Variants in ZMYND11 observed in about 807,000 individuals in gnomAD.
ZMYND11 encodes zinc finger MYND-type containing 11.
In ZMYND11, 9 loss-of-function variants were observed where a neutral mutation model predicts 84.9. That is an observed-to-expected ratio of 0.11 (90% CI 0.06 to 0.18). ZMYND11 has a LOEUF of 0.18. ZMYND11 is among the 10% of genes least tolerant of loss of function. The pLI, the probability that ZMYND11 is intolerant of heterozygous loss-of-function variation, is 1.00. For missense variants in ZMYND11, 409 were observed against 761.0 expected, an observed-to-expected ratio of 0.54 and a Z score of 5.44; for synonymous variants, 250 against 244.1, an observed-to-expected ratio of 1.02 and a Z score of -0.23.
intron 2 of ZMYND11, among the ~76,000 whole-genome samples, chr10:193,043 T>C (rs1940846916): frequency 6.6e-6 from 1 of 152,244 alleles, no homozygotes; most frequent in Non-Finnish European, 1.5e-5. Context: ...AGTTTTGAAA[T>C]GATTGTATTC....
At chr10:168,781 A>C (rs7089302) in intron 1 of ZMYND11, among the ~76,000 whole-genome samples, 38,090 of 152,112 alleles carry the variant, frequency 0.25, 5,848 homozygotes, top group Non-Finnish European at 0.35. Context: ...ATAAAGAATC[A>C]CAACTTACCG....
intron 1 of ZMYND11, among the ~76,000 whole-genome samples, chr10:141,400 G>A (rs1837467995): frequency 1.3e-5 from 2 of 152,182 alleles, no homozygotes; most frequent in Non-Finnish European, 2.9e-5. Context: ...ACAATAAAAT[G>A]TAAAGGCAAG....
At chr10:165,353 T>C (rs1843753431) in intron 1 of ZMYND11, among the ~76,000 whole-genome samples, 1 of 152,148 alleles carries the variant, frequency 6.6e-6, no homozygotes, top group African/African-American at 2.4e-5. Context: ...GGTCACTTTC[T>C]ACCATATTCT....
chr10:130,836 G>A (rs551590170), upstream of ZMYND11, among the ~76,000 whole-genome samples: 45 of 152,050 alleles, frequency 3.0e-4, no homozygotes, highest in African/African-American at 1.1e-3. Flanking sequence ...AAGAGAGTCG[G>A]GGCCGGGCAC....
chr10:225,093 A>G (rs918298342), intron 4 of ZMYND11, among the ~76,000 whole-genome samples: 2 of 152,236 alleles, frequency 1.3e-5, no homozygotes, highest in African/African-American at 4.8e-5. Context: ...TTAAAACACA[A>G]TATAGTCCAT....
intron 2 of ZMYND11, among the ~76,000 whole-genome samples, chr10:209,003 A>AT (rs1554777180): frequency 1.3e-5 from 2 of 150,628 alleles, no homozygotes; most frequent in Non-Finnish European, 3.0e-5. Context: ...ATTGACATTG[A>AT]TGTGTGTGTG....
At chr10:162,598 T>C (rs1429373360) in intron 1 of ZMYND11, among the ~76,000 whole-genome samples, 1 of 152,212 alleles carries the variant, frequency 6.6e-6, no homozygotes, top group Non-Finnish European at 1.5e-5. Flanking sequence ...GCTTTTTCAG[T>C]ATCTCTAGAG....
chr10:247,827 A>G (rs1242832636), intron 12 of ZMYND11, among the ~76,000 whole-genome samples: 8 of 152,254 alleles, frequency 5.3e-5, no homozygotes, highest in Non-Finnish European at 1.2e-4. Context: ...TTGTGCCAAC[A>G]TTTAAAAACT....
intron 1 of ZMYND11, among the ~76,000 whole-genome samples, chr10:144,617 T>C (rs1179607157): frequency 6.7e-6 from 1 of 150,192 alleles, no homozygotes; most frequent in Non-Finnish European, 1.5e-5. Context: ...TTCTCAGTTA[T>C]GGCTGGCTGA....
chr10:187,646 A>C (rs1450532061), intron 2 of ZMYND11, among the ~76,000 whole-genome samples: 2 of 152,106 alleles, frequency 1.3e-5, no homozygotes, highest in African/African-American at 2.4e-5. Flanking sequence ...AAAAAAAAAA[A>C]AAACCATACC....
intron 4 of ZMYND11, among the ~76,000 whole-genome samples, chr10:235,052 G>C (rs1485837015): frequency 6.6e-6 from 1 of 151,998 alleles, no homozygotes; most frequent in African/African-American, 2.4e-5. Flanking sequence ...GTGGTTTTAA[G>C]TGTTCTCACT....
intron 1 of ZMYND11, among the ~76,000 whole-genome samples, chr10:164,558 C>A (rs1317867440): frequency 6.6e-6 from 1 of 152,126 alleles, no homozygotes; most frequent in Non-Finnish European, 1.5e-5. Context: ...AAAAAGAAAG[C>A]ATAGCAAATC....
intron 1 of ZMYND11, among the ~76,000 whole-genome samples, chr10:179,764 C>A (rs1202591054): frequency 1.3e-5 from 2 of 152,078 alleles, no homozygotes; most frequent in African/African-American, 4.8e-5. Flanking sequence ...CCTGGGATAA[C>A]CTTTTTAACT....
chr10:180,507 C>T (rs540550892), intron 2 of ZMYND11, among the ~76,000 whole-genome samples: 117 of 152,328 alleles, frequency 7.7e-4, no homozygotes, highest in Non-Finnish European at 1.2e-3. Context: ...TCAAGTGATT[C>T]TCCAGCCTCA....
chr10:251,498 A>T (rs1049641812), intron 14 of ZMYND11, among the ~76,000 whole-genome samples: 21 of 152,268 alleles, frequency 1.4e-4, no homozygotes, highest in South Asian at 1.2e-3. Flanking sequence ...CAGGGCTCTC[A>T]ACAGCCGTCA....
At chr10:203,535 T>G (rs934058502) in intron 2 of ZMYND11, among the ~76,000 whole-genome samples, 4 of 152,134 alleles carry the variant, frequency 2.6e-5, no homozygotes, top group Non-Finnish European at 5.9e-5. Flanking sequence ...TTGTGGATTT[T>G]GGCAAACTGA....
intron 2 of ZMYND11, among the ~76,000 whole-genome samples, chr10:185,380 TTTTGC>T (rs1937969332): frequency 6.6e-6 from 1 of 151,852 alleles, no homozygotes; most frequent in Non-Finnish European, 1.5e-5. Flanking sequence ...TCCAAAGGCA[TTTTGC>T]TTTATTTGGT....
chr10:249,774 TAA>T (rs1952962793), intron 14 of ZMYND11: 5 of 984,602 alleles, frequency 5.1e-6, no homozygotes, highest in Non-Finnish European at 6.0e-6. Flanking sequence ...AATGACTATA[TAA>T]AGTTTTGTGA....
At chr10:140,272 A>G (rs1269377585) in intron 1 of ZMYND11, among the ~76,000 whole-genome samples, 2 of 152,248 alleles carry the variant, frequency 1.3e-5, no homozygotes. Context: ...AAAATACCCA[A>G]TACAATAGTC....
Sources: allele counts gnomAD v4.1 joint callset (sites outside exome capture counted in the v4.1 genomes callset), GRCh38; gene constraint gnomAD v4.1.1; transcripts MANE v1.5; gene names NCBI Gene and HGNC (gene_info 2026-07-23, HGNC 2026-07-21).